NRP1: variants seen among roughly 807,000 people sequenced by gnomAD.
The protein encoded by NRP1 is neuropilin-1.
Under a neutral mutation model 106.7 loss-of-function variants are expected in NRP1, and 35 were observed. The observed-to-expected ratio is 0.33, with a 90% CI of 0.25 to 0.43. The LOEUF is 0.43. Ranked by LOEUF, NRP1 falls within the 20% of genes least tolerant of loss-of-function variation. The pLI is 1.00. For synonymous variants in NRP1, 437 were observed against 417.9 expected (o/e 1.05, Z -0.56); for missense variants, 1,024 against 1,170.4 (o/e 0.87, Z 1.83).
chr10:33,270,953 G>C (rs531877901), intron 2 of NRP1, 97 bp from the exon 3 acceptor site: 4 of 1,111,092 alleles, frequency 3.6e-6, no homozygotes, highest in Non-Finnish European at 4.9e-6. Context: ...TAGTGTGCCA[G>C]GAAGAAAAAA....
intron 11 of NRP1, among the ~76,000 whole-genome samples, chr10:33,200,490 G>T (rs955530700): frequency 6.6e-6 from 1 of 152,058 alleles, no homozygotes; most frequent in South Asian, 2.1e-4. Context: ...GATACAAGTA[G>T]GTCACCCCAG....
rs758100228 is a variant in NRP1, at chr10:33,213,428, C to T, written c.1572G>A (p.Ser524=). The change falls in exon 9 of 17, where the codon TCG becomes TCA. Residue 524 remains serine, a synonymous_variant. Coordinates refer to ENST00000374867, the MANE Select transcript of NRP1 (RefSeq NM_003873.7). ...TGTCATCCATGATCATCTTCCAGTC[C>T]GAGCCGTTGTTGCTGTACCCGATCT... ...KFKIGYSNNG[S]DWKMIMDDSK... 28 of 1,614,004 alleles carry T rather than the reference C, an allele frequency of 1.7e-5. No individual in the cohort carries two copies. Among genetic ancestry groups the T allele is most frequent in the African/African-American group, 6.7e-5 (5 of 74,954 alleles).
chr10:33,326,224 TA>T (rs1046125714), intron 2 of NRP1, among the ~76,000 whole-genome samples: 4 of 152,214 alleles, frequency 2.6e-5, no homozygotes, highest in Non-Finnish European at 5.9e-5. Flanking sequence ...CATTCTTGTT[TA>T]TTATACAGAT....
intron 2 of NRP1, among the ~76,000 whole-genome samples, chr10:33,281,406 A>G (rs1368469233): frequency 5.3e-5 from 8 of 152,046 alleles, no homozygotes; most frequent in Non-Finnish European, 1.0e-4. Context: ...TCATGCAGAG[A>G]GAAGGTTGAG....
chr10:33,290,155 A>G (rs995366460), intron 2 of NRP1, among the ~76,000 whole-genome samples: 1 of 152,210 alleles, frequency 6.6e-6, no homozygotes, highest in Non-Finnish European at 1.5e-5. Flanking sequence ...TAGAATGCCT[A>G]TATGTGATAC....
chr10:33,269,222 G>C (rs916086040), intron 3 of NRP1, among the ~76,000 whole-genome samples: 1 of 152,140 alleles, frequency 6.6e-6, no homozygotes, highest in Admixed American at 6.5e-5. Flanking sequence ...GGAATTTATA[G>C]GCAGTTGCTA....
At chr10:33,216,239 G>C (rs1333649235) in intron 8 of NRP1, among the ~76,000 whole-genome samples, 1 of 150,370 alleles carries the variant, frequency 6.7e-6, no homozygotes, top group Admixed American at 6.6e-5. Context: ...CCGGGTTCAC[G>C]CCATTCTCCT....
chr10:33,245,872 A>C (rs531501496), intron 6 of NRP1, among the ~76,000 whole-genome samples: 3 of 152,326 alleles, frequency 2.0e-5, no homozygotes, highest in Admixed American at 6.5e-5. Context: ...AGAAACCAAA[A>C]CTGTAAGTAA....
intron 8 of NRP1, 39 bp downstream of exon 8, chr10:33,221,680 C>G (rs1483868464): frequency 6.3e-7 from 1 of 1,589,484 alleles, no homozygotes; most frequent in Non-Finnish European, 8.6e-7. Context: ...AGACAATCTT[C>G]GACTTGGAAG....
intron 12 of NRP1, among the ~76,000 whole-genome samples, chr10:33,197,376 GTGC>G (rs1352782838): frequency 1.3e-5 from 2 of 152,206 alleles, no homozygotes; most frequent in Admixed American, 1.3e-4. Context: ...TGTCCTAGAT[GTGC>G]TGCGTTTAAA....
intron 1 of NRP1, among the ~76,000 whole-genome samples, chr10:33,334,036 T>TTATTG (rs1848456877): frequency 6.6e-6 from 1 of 152,210 alleles, no homozygotes; most frequent in South Asian, 2.1e-4. Flanking sequence ...GGCATGCTGA[T>TTATTG]CTGGGAAGGT....
chr10:33,277,474 C>T (rs926608737), intron 2 of NRP1, among the ~76,000 whole-genome samples: 1 of 152,244 alleles, frequency 6.6e-6, no homozygotes, highest in Non-Finnish European at 1.5e-5. Flanking sequence ...CCAAGGAAGG[C>T]CTGACCACCA....
chr10:33,269,326 T>C (rs1402291760), intron 3 of NRP1, among the ~76,000 whole-genome samples: 1 of 152,212 alleles, frequency 6.6e-6, no homozygotes, highest in African/African-American at 2.4e-5. Context: ...AGGGTCTTGC[T>C]CTGTCACCCA....
rs1263865226 is a variant in NRP1 at position 33,317,392 on chromosome 10, A to T, written c.248+13316T>A. ...TCATAACCAGAAATGCAGGAAGGAG[A>T]TGGCAAGGTCAAAGGACAGGGGATA... On this transcript the variant is annotated intron_variant, in intron 2 of 16. Transcript: ENST00000374867. 2.6e-5 allele frequency among the ~76,000 whole-genome samples: 4 copies of T among 152,208 alleles called. No homozygotes were observed. The East Asian group carries it at 7.7e-4, about 29-fold the overall frequency.
rs2300946 is a variant in NRP1 at position 33,235,335 on chromosome 10, C to A, written c.982-9046G>T. ...ATCCAGCTACCCAAATCACTCCAAT[C>A]TGGAAACCATAAAGATCAAATGTGA... On this transcript the variant is annotated intron_variant, in intron 6 of 16. Transcript: ENST00000374867. Among the ~76,000 whole-genome samples, 34 of 152,316 alleles carry A rather than the reference C, an allele frequency of 2.2e-4. 1 individual carries two copies. In the East Asian group the frequency reaches 6.0e-3, roughly 27 times the overall value.
intron 6 of NRP1, among the ~76,000 whole-genome samples, chr10:33,230,484 C>CT (rs1321560004): frequency 3.6e-4 from 55 of 152,232 alleles, no homozygotes; most frequent in Admixed American, 3.5e-3. Context: ...ATAAATTCTC[C>CT]CCCTCTACTC....
rs1212825426 is a variant in NRP1, at chr10:33,270,676, T to A, written c.429A>T (p.Arg143Ser). The change falls in exon 3 of 17, where the codon AGA (arginine) becomes AGT (serine). Residue 143 changes from arginine to serine, a missense_variant and splice_region_variant. Physicochemically the swap from Arg to Ser is moderately radical, Grantham distance 110. Transcript: ENST00000374867. The part of the protein sequence containing the change: ...GFSIRYEIFK[R>S]GPECSQNYTT... ...TTCTACCGTAAGCTGTTCACTCACC[T>A]CTCTTGAAAATTTCATAACGTATGG... 12 of 1,608,414 alleles carry A rather than the reference T, an allele frequency of 7.5e-6. No individual in the cohort carries two copies. The highest frequency in any genetic ancestry group is 1.0e-5 in the Non-Finnish European group (12 of 1,177,400).
intron 2 of NRP1, among the ~76,000 whole-genome samples, chr10:33,279,408 T>A (rs1843946834): frequency 6.6e-6 from 1 of 152,174 alleles, no homozygotes; most frequent in Non-Finnish European, 1.5e-5. Flanking sequence ...TCTGCCCTCT[T>A]TCTGGCTGCC....
At chr10:33,215,333 G>T (rs534573324) in intron 8 of NRP1, among the ~76,000 whole-genome samples, 1 of 152,294 alleles carries the variant, frequency 6.6e-6, no homozygotes, top group East Asian at 1.9e-4. Context: ...GTAGCACAGA[G>T]CTCAGCATTC....
Sources: gnomAD v4.1 joint callset for allele counts (sites outside exome capture counted in the v4.1 genomes callset) on GRCh38, gnomAD v4.1.1 for gene constraint, MANE v1.5 for transcripts, NCBI Gene and HGNC (gene_info 2026-07-23, HGNC 2026-07-21) for gene names.